Variants in GALNT2 observed in about 807,000 individuals in gnomAD.
The protein encoded by GALNT2 is polypeptide N-acetylgalactosaminyltransferase 2.
A neutral mutation model predicts 81.4 loss-of-function variants in GALNT2; 31 were observed. That is an observed-to-expected ratio of 0.38 (90% CI 0.29 to 0.51). The LOEUF (loss-of-function observed/expected upper bound fraction) is 0.51. Ranked by LOEUF, GALNT2 falls within the 20% of genes least tolerant of loss-of-function variation. The pLI, the probability that GALNT2 is intolerant of heterozygous loss-of-function variation, is 0.87. For synonymous variants in GALNT2, 303 were observed against 287.4 expected, an observed-to-expected ratio of 1.05 and a Z score of -0.55; for missense variants, 629 against 765.7, an observed-to-expected ratio of 0.82 and a Z score of 2.11.
chr1:230,276,020 ATGC>A lies in GALNT2; in HGVS notation c.1560+1457_1560+1459del, dbSNP rs1558174609. Among the ~76,000 whole-genome samples, 212 of 68,086 alleles carry A rather than the reference ATGC, an allele frequency of 3.1e-3. 4 individuals carry two copies. Among genetic ancestry groups the A allele is most frequent in the African/African-American group, 7.6e-3 (82 of 10,744 alleles). 44.7% of individuals were successfully genotyped at this position (68,086 alleles called of 152,430 possible). A position where few individuals can be genotyped will look rare whatever the true frequency, so the allele number is the denominator to read the frequency against. On this transcript the variant is annotated intron_variant, in intron 15 of 15. Coordinates refer to ENST00000366672, the MANE Select transcript of GALNT2 (RefSeq NM_004481.5). ...GCCACATATATATACGTATATATAC[ATGC>A]CACATATATATACGTATATACATGC...
intron 2 of GALNT2, among the ~76,000 whole-genome samples, chr1:230,178,544 T>C (rs1663058677): frequency 6.6e-6 from 1 of 152,196 alleles, no homozygotes. Flanking sequence ...AAAAATAGAC[T>C]AAAGTAGAAA....
intron 2 of GALNT2, among the ~76,000 whole-genome samples, chr1:230,180,783 A>G (rs945420423): frequency 1.3e-5 from 2 of 152,132 alleles, no homozygotes; most frequent in Admixed American, 1.3e-4. Flanking sequence ...GATACCTTTT[A>G]TCAGAATTTT....
chr1:230,248,532 A>G (rs1318558834), intron 8 of GALNT2, among the ~76,000 whole-genome samples: 1 of 152,232 alleles, frequency 6.6e-6, no homozygotes. Flanking sequence ...GTCCGGGTAC[A>G]GGGTCTAGGC....
At position 230,200,149 on chromosome 1, in the gene GALNT2, G is replaced by T. The variant is rs917384982; in HGVS notation, c.221-2988G>T. Among the ~76,000 whole-genome samples the T allele has an allele frequency of 2.1e-5, 3 of 144,152 alleles. No homozygotes were observed. The East Asian group carries it at 6.3e-4, about 30-fold the overall frequency. The allele number at this position is 144,152 out of a possible 152,430, so 94.6% of individuals were successfully genotyped here. A position where few individuals can be genotyped will look rare whatever the true frequency, so the allele number is the denominator to read the frequency against. On this transcript the variant is annotated intron_variant, in intron 2 of 15. Coordinates refer to ENST00000366672, the MANE Select transcript of GALNT2 (RefSeq NM_004481.5). Reference sequence around the variant, plus strand: ...GCAATCTCGGCTCACTGCAACCTCCGCCTCCCAGGTTCAAACGATTCTCCT... The same window carrying T: ...GCAATCTCGGCTCACTGCAACCTCCTCCTCCCAGGTTCAAACGATTCTCCT...
At chr1:230,128,299 T>A (rs1049620651) in intron 1 of GALNT2, among the ~76,000 whole-genome samples, 2 of 139,576 alleles carry the variant, frequency 1.4e-5, no homozygotes, top group African/African-American at 5.4e-5. Flanking sequence ...AAACAGGACC[T>A]TCGCTTGTCG....
At chr1:230,197,921 A>G (rs1337940740) in intron 2 of GALNT2, among the ~76,000 whole-genome samples, 1 of 152,186 alleles carries the variant, frequency 6.6e-6, no homozygotes, top group Non-Finnish European at 1.5e-5. Flanking sequence ...CTGATGGGGC[A>G]GGCAGGCTCG....
In GALNT2 at chr1:230,274,429, T is replaced by C. The variant is rs199598467; in HGVS notation, c.1441-16T>C. On this transcript the variant is annotated splice_polypyrimidine_tract_variant and intron_variant, in intron 14 of 15. Coordinates refer to ENST00000366672, the MANE Select transcript of GALNT2 (RefSeq NM_004481.5). ...CGGTGCATAGCACGCCTCTGACTTC[T>C]GGTTTTGTGTTCCAGGAATGGGCCT... is the stretch of plus-strand genomic sequence containing the variant. The C allele has an allele frequency of 2.9e-5, 47 of 1,612,732 alleles. No homozygotes were observed. Among genetic ancestry groups the C allele is most frequent in the Non-Finnish European group, 3.5e-5 (41 of 1,179,398 alleles).
At chr1:230,177,043 A>G (rs1349005375) in intron 1 of GALNT2, among the ~76,000 whole-genome samples, 1 of 152,274 alleles carries the variant, frequency 6.6e-6, no homozygotes, top group Non-Finnish European at 1.5e-5. Flanking sequence ...AGCAAAAGCT[A>G]GCCAAGAGAT....
chr1:230,080,147 T>G (rs188603473), intron 1 of GALNT2, among the ~76,000 whole-genome samples: 1 of 152,348 alleles, frequency 6.6e-6, no homozygotes, highest in African/African-American at 2.4e-5. Flanking sequence ...GGAGTCATTT[T>G]CCTTGTACTG....
intron 1 of GALNT2, among the ~76,000 whole-genome samples, chr1:230,105,164 A>G (rs964149032): frequency 2.6e-5 from 4 of 152,152 alleles, no homozygotes; most frequent in African/African-American, 9.7e-5. Flanking sequence ...CACAGACAGG[A>G]TGTGTTAGAG....
chr1:230,060,701 G>T (rs1659025638), intron 1 of GALNT2, among the ~76,000 whole-genome samples: 2 of 152,160 alleles, frequency 1.3e-5, no homozygotes, highest in Non-Finnish European at 2.9e-5. Context: ...TGCGATGGTT[G>T]TAAGATGGTG....
intron 1 of GALNT2, among the ~76,000 whole-genome samples, chr1:230,166,829 A>G (rs538073769): frequency 6.6e-6 from 1 of 152,300 alleles, no homozygotes; most frequent in South Asian, 2.1e-4. Context: ...GAACCTCAGA[A>G]TGGGGGAGAA....
chr1:230,195,253 T>C (rs1663654265), intron 2 of GALNT2, among the ~76,000 whole-genome samples: 1 of 152,096 alleles, frequency 6.6e-6, no homozygotes, highest in African/African-American at 2.4e-5. Context: ...CCATTGTCTC[T>C]GTGTTTGTTG....
At chr1:230,241,136 A>G (rs1376701632) in intron 6 of GALNT2, among the ~76,000 whole-genome samples, 1 of 152,178 alleles carries the variant, frequency 6.6e-6, no homozygotes, top group African/African-American at 2.4e-5. Context: ...TATTAAACAT[A>G]TTTATAATAG....
chr1:230,140,860 A>G (rs992819449), intron 1 of GALNT2, among the ~76,000 whole-genome samples: 1 of 152,260 alleles, frequency 6.6e-6, no homozygotes, highest in Non-Finnish European at 1.5e-5. Context: ...CCAGCTGTAC[A>G]GTATTTCAGT....
chr1:230,177,451 A>G (rs1558125655), intron 1 of GALNT2, among the ~76,000 whole-genome samples: 1 of 151,890 alleles, frequency 6.6e-6, no homozygotes, highest in Non-Finnish European at 1.5e-5. Flanking sequence ...TTATATACAG[A>G]AACCTTTCTT....
At chr1:230,256,426 A>G (rs1009116238) in intron 11 of GALNT2, among the ~76,000 whole-genome samples, 1 of 150,438 alleles carries the variant, frequency 6.6e-6, no homozygotes, top group Admixed American at 6.7e-5. Context: ...AACCTGGGCA[A>G]CAGAGCGAGA....
At chr1:230,199,309 T>G (rs1362735692) in intron 2 of GALNT2, among the ~76,000 whole-genome samples, 1 of 152,186 alleles carries the variant, frequency 6.6e-6, no homozygotes, top group Non-Finnish European at 1.5e-5. Flanking sequence ...GCGTGTGCCC[T>G]CTGCAAACCT....
intron 1 of GALNT2, among the ~76,000 whole-genome samples, chr1:230,158,076 C>A (rs376939496): frequency 6.6e-6 from 1 of 152,206 alleles, no homozygotes; most frequent in African/African-American, 2.4e-5. Context: ...CAGGCCAGAA[C>A]TGAGCACAGA....
Sources: allele counts gnomAD v4.1 joint callset (sites outside exome capture counted in the v4.1 genomes callset), GRCh38; gene constraint gnomAD v4.1.1; transcripts MANE v1.5; gene names NCBI Gene and HGNC (gene_info 2026-07-23, HGNC 2026-07-21).